Variants in SPAG16 observed in about 807,000 individuals in gnomAD.
The protein encoded by SPAG16 is sperm-associated antigen 16 protein.
Under a neutral mutation model 80.4 loss-of-function variants are expected in SPAG16, and 86 were observed. The observed-to-expected ratio is 1.07, with a 90% CI of 0.90 to 1.28. SPAG16 has a LOEUF of 1.28. Among genes scored for constraint, SPAG16 ranks in the 50% most tolerant of loss-of-function variants. The pLI, the probability that SPAG16 is intolerant of heterozygous loss-of-function variation, is 0.00. For missense variants in SPAG16, 870 were observed against 765.3 expected (o/e 1.14, Z -1.61); for synonymous variants, 294 against 265.9 (o/e 1.11, Z -1.03).
At chr2:213,699,145 A>G (rs2065290814) in intron 10 of SPAG16, among the ~76,000 whole-genome samples, 1 of 151,346 alleles carries the variant, frequency 6.6e-6, no homozygotes, top group Admixed American at 6.6e-5. Context: ...TCCTCTTTTT[A>G]TTTTTCTGCT....
chr2:214,264,087 TCTGGACTGTTGAAAC>T (rs1294150069), intron 15 of SPAG16, among the ~76,000 whole-genome samples: 1 of 152,190 alleles, frequency 6.6e-6, no homozygotes, highest in Non-Finnish European at 1.5e-5. Context: ...TGTGTGGCTG[TCTGGACTGTTGAAAC>T]CACCTCCTGT....
chr2:213,919,449 G>C (rs896713265), intron 11 of SPAG16, among the ~76,000 whole-genome samples: 3 of 152,110 alleles, frequency 2.0e-5, no homozygotes, highest in Admixed American at 2.0e-4. Context: ...TGTTAACACT[G>C]CCTTAGCTGT....
intron 15 of SPAG16, among the ~76,000 whole-genome samples, chr2:214,391,982 T>G (rs1701106135): frequency 6.6e-6 from 1 of 152,196 alleles, no homozygotes; most frequent in South Asian, 2.1e-4. Flanking sequence ...CGCAGAGATT[T>G]GGACCAAGAG....
At chr2:214,176,526 T>C (rs1276333296) in intron 15 of SPAG16, among the ~76,000 whole-genome samples, 1 of 151,338 alleles carries the variant, frequency 6.6e-6, no homozygotes, top group Admixed American at 6.6e-5. Context: ...CTGCTCTGTC[T>C]ATGCACAAAG....
At chr2:213,632,116 T>C (rs1269523856) in intron 10 of SPAG16, among the ~76,000 whole-genome samples, 1 of 152,154 alleles carries the variant, frequency 6.6e-6, no homozygotes, top group Non-Finnish European at 1.5e-5. Flanking sequence ...TCTATCAACA[T>C]GGAATATTTT....
chr2:214,399,906 G>A (rs567007965), intron 15 of SPAG16, among the ~76,000 whole-genome samples: 2 of 152,162 alleles, frequency 1.3e-5, no homozygotes, highest in South Asian at 4.1e-4. Flanking sequence ...GATATATGGG[G>A]TTCCTGAATA....
chr2:213,618,864 C>A (rs1007418601), intron 10 of SPAG16, among the ~76,000 whole-genome samples: 13 of 151,982 alleles, frequency 8.6e-5, no homozygotes, highest in African/African-American at 3.1e-4. Context: ...TCCAGATTCC[C>A]TGCTTTTCTT....
At chr2:213,380,896 A>G (rs2067139374) in intron 9 of SPAG16, among the ~76,000 whole-genome samples, 1 of 152,184 alleles carries the variant, frequency 6.6e-6, no homozygotes, top group Non-Finnish European at 1.5e-5. Flanking sequence ...GGGTCACTCG[A>G]TAAATGGGCC....
chr2:213,292,450 G>A (rs1385331340), intron 1 of SPAG16, among the ~76,000 whole-genome samples: 1 of 151,598 alleles, frequency 6.6e-6, no homozygotes, highest in Non-Finnish European at 1.5e-5. Context: ...GGATCATGAG[G>A]TCAGGAGATC....
intron 12 of SPAG16, among the ~76,000 whole-genome samples, chr2:214,001,231 C>G (rs868220855): frequency 3.9e-5 from 6 of 152,304 alleles, no homozygotes; most frequent in South Asian, 4.1e-4. Flanking sequence ...ATCTTTAAAG[C>G]TAATTTATTT....
intron 9 of SPAG16, among the ~76,000 whole-genome samples, chr2:213,410,377 T>G (rs776417870): frequency 6.6e-6 from 1 of 152,228 alleles, no homozygotes; most frequent in Non-Finnish European, 1.5e-5. Flanking sequence ...AAAGTACCTG[T>G]GTCCCTCCTG....
At chr2:214,014,517 G>A (rs1364880415) in intron 13 of SPAG16, among the ~76,000 whole-genome samples, 2 of 152,170 alleles carry the variant, frequency 1.3e-5, no homozygotes, top group African/African-American at 4.8e-5. Context: ...GGAAGAGTGT[G>A]GATGGCTTTC....
At chr2:213,801,235 G>A (rs190065042) in intron 10 of SPAG16, among the ~76,000 whole-genome samples, 3 of 152,244 alleles carry the variant, frequency 2.0e-5, no homozygotes, top group African/African-American at 4.8e-5. Flanking sequence ...GTGTGCGTGC[G>A]CGCGTGCCCA....
chr2:214,171,936 A>G (rs575868697), intron 15 of SPAG16, among the ~76,000 whole-genome samples: 15 of 152,078 alleles, frequency 9.9e-5, no homozygotes, highest in African/African-American at 3.1e-4. Context: ...AATGGTTACT[A>G]TAGTGAAGCA....
intron 10 of SPAG16, among the ~76,000 whole-genome samples, chr2:213,503,907 C>A (rs963375932): frequency 6.6e-6 from 1 of 152,178 alleles, no homozygotes; most frequent in Non-Finnish European, 1.5e-5. Flanking sequence ...AGCCAGCAAA[C>A]TGAGAACATA....
intron 10 of SPAG16, among the ~76,000 whole-genome samples, chr2:213,817,508 C>G (rs558739827): frequency 9.9e-5 from 15 of 151,976 alleles, no homozygotes; most frequent in African/African-American, 3.4e-4. Flanking sequence ...ATAAACTGTT[C>G]TACCCAAAAG....
At chr2:214,195,866 T>A (rs2057822125) in intron 15 of SPAG16, among the ~76,000 whole-genome samples, 1 of 151,992 alleles carries the variant, frequency 6.6e-6, no homozygotes, top group Admixed American at 6.6e-5. Context: ...TCACCAACAT[T>A]ATGATTTTAT....
intron 15 of SPAG16, among the ~76,000 whole-genome samples, chr2:214,275,596 T>C (rs1407798251): frequency 6.6e-6 from 1 of 152,216 alleles, no homozygotes; most frequent in Non-Finnish European, 1.5e-5. Context: ...CATGTAGTTG[T>C]GCCATTTTGA....
intron 14 of SPAG16, among the ~76,000 whole-genome samples, chr2:214,143,129 T>G (rs2055447849): frequency 6.6e-6 from 1 of 152,106 alleles, no homozygotes; most frequent in African/African-American, 2.4e-5. Context: ...TCCTGGCCAT[T>G]TCTTTTTTAA....
Sources: gnomAD v4.1 joint callset for allele counts (sites outside exome capture counted in the v4.1 genomes callset) on GRCh38, gnomAD v4.1.1 for gene constraint, MANE v1.5 for transcripts, NCBI Gene and HGNC (gene_info 2026-07-23, HGNC 2026-07-21) for gene names.